The following RECQL5 variants were observed in gnomAD, a reference collection of about 807,000 sequenced individuals.
RECQL5 encodes the protein ATP-dependent DNA helicase Q5.
A neutral mutation model predicts 103.4 loss-of-function variants in RECQL5; 88 were observed. The observed-to-expected ratio is 0.85, with a 90% confidence interval of 0.72 to 1.02. The LOEUF is 1.02. RECQL5 is among the 50% of genes least tolerant of loss of function. The pLI is 0.00. For missense variants in RECQL5, 1,232 were observed against 1,284.3 expected (o/e 0.96, Z 0.62); for synonymous variants, 552 against 507.9 (o/e 1.09, Z -1.17).
At position 75,628,317 on chromosome 17, in the gene RECQL5, G is replaced by A. The variant is rs751382663; in HGVS notation, c.2706C>T (p.Pro902=). 2.5e-5 allele frequency: 41 copies of A among 1,614,068 alleles called. No individual in the cohort carries two copies. The highest frequency in any genetic ancestry group is 3.5e-5 in the Non-Finnish European group (41 of 1,180,044). Reference sequence around the variant, plus strand: ...AGACGCCAGGAGCGGAGAGCTGGAAGGGGTCTTGAGCCGTGGGATTCAAGG... The same window carrying A: ...AGACGCCAGGAGCGGAGAGCTGGAAAGGGTCTTGAGCCGTGGGATTCAAGG... ...QGTLNPTAQD[P]FQLSAPGVSL... The change falls in exon 18 of 20, where the codon CCC becomes CCT. Residue 902 remains proline (P), a synonymous_variant. Transcript: ENST00000317905.
At chr17:75,662,332 C>G in intron 4 of RECQL5, 147 bp downstream of exon 4, 1 of 918,076 alleles carries the variant, frequency 1.1e-6, no homozygotes, top group South Asian at 1.6e-5. Flanking sequence ...TGCCAGGAAA[C>G]CAAAGAGACA....
chr17:75,630,856 G>A lies in RECQL5; in HGVS notation c.1586-19C>T. On this transcript the variant is annotated intron_variant, in intron 11 of 19. Transcript: ENST00000317905. ...TTCTCATCTGTGGGGGGGGGGGGTG[G>A]TCCTTGGTCCTTTCGCTCCACCTTC... is the stretch of plus-strand genomic sequence containing the variant. 6.9e-7 allele frequency: 1 copy of A among 1,453,956 alleles called. No individual in the cohort carries two copies. Among genetic ancestry groups the A allele is most frequent in the Non-Finnish European group, 9.3e-7 (1 of 1,073,988 alleles). The allele number at this position is 1,453,956 out of a possible 1,614,324, so 90.1% of individuals were successfully genotyped here. A position where few individuals can be genotyped will look rare whatever the true frequency, so the allele number is the denominator to read the frequency against.
In RECQL5 at chr17:75,640,428, C is replaced by A. The variant is rs2059414396; in HGVS notation, c.1230-8760G>T. ...GGCTGGCAGAGGTGGCGGGTGTCTG[C>A]CGGATCAAGGAGGAAAACCAGTTGT... On this transcript the variant is annotated intron_variant, in intron 8 of 19. Transcript: ENST00000317905. The surrounding 1 kb of genome is among the most constrained non-coding windows in gnomAD (Gnocchi z 4.6). 1 of 1,438,022 alleles carries A rather than the reference C, an allele frequency of 7.0e-7. No homozygotes were observed. The highest frequency in any genetic ancestry group is 1.5e-5 in the South Asian group (1 of 67,144). The allele number at this position is 1,438,022 out of a possible 1,614,324, so 89.1% of individuals were successfully genotyped here.
At position 75,658,359 on chromosome 17, in the gene RECQL5, T is replaced by C. The variant is rs1443817723; in HGVS notation, c.1088A>G (p.Tyr363Cys). Residue 363 changes from tyrosine to cysteine, a missense_variant, in exon 7 of 20, where the codon TAC becomes TGC. Transcript: ENST00000317905. ...GACTTGGTCCCGGTCATTCCTGGAG[T>C]AATAGAGACGGCACCAGGAAGGCTT... Reference protein sequence around the residue: ...DGKPSWCRLYYSRNDRDQVSF... With the variant: ...DGKPSWCRLYCSRNDRDQVSF... 1 of 1,613,948 alleles carries C rather than the reference T, an allele frequency of 6.2e-7. No homozygotes were observed.
In RECQL5 at chr17:75,662,867, A is replaced by G. The variant is rs749418602; in HGVS notation, c.383T>C (p.Ile128Thr). 14 of 1,614,004 alleles carry G rather than the reference A, an allele frequency of 8.7e-6. No individual in the cohort carries two copies. The highest frequency in any genetic ancestry group is 5.3e-5 in the African/African-American group (4 of 74,930). Residue 128 changes from isoleucine (I) to threonine (T), a missense_variant, in exon 4 of 20, where the codon ATC (isoleucine) becomes ACC (threonine). Coordinates refer to ENST00000317905, the MANE Select transcript of RECQL5 (RefSeq NM_004259.7). Reference sequence around the variant, plus strand: ...GGATGAAGCTGCCATCTCTGGGGTGATGTACAGAATCTTGGTCTGGGGCTT... The same window carrying G: ...GGATGAAGCTGCCATCTCTGGGGTGGTGTACAGAATCTTGGTCTGGGGCTT... ...REKPQTKILY[I>T]TPEMAASSSF...
In RECQL5 at chr17:75,651,334, TGAG is replaced by T. The variant is rs1300765451; in HGVS notation, c.1150-72_1150-70del. On this transcript the variant is annotated intron_variant, in intron 7 of 19. Coordinates refer to ENST00000317905, the MANE Select transcript of RECQL5 (RefSeq NM_004259.7). ...ACTACCTTAGAGCCACAAAAAGTAA[TGAG>T]GAGGCCGAGTGCGGTGGCTCACGGC... 1.3e-5 allele frequency: 20 copies of T among 1,584,820 alleles called. No individual in the cohort carries two copies. In the Admixed American group the frequency reaches 3.2e-4, roughly 25 times the overall value.
intron 8 of RECQL5, chr17:75,634,005 C>T (rs1318470842): frequency 7.1e-6 from 7 of 985,390 alleles, no homozygotes; most frequent in African/African-American, 3.5e-5. Flanking sequence ...CTCCCCCTCG[C>T]GACGGTAATT....
chr17:75,641,078 T>G (rs2059427997), intron 8 of RECQL5: 1 of 1,159,294 alleles, frequency 8.6e-7, no homozygotes, highest in Admixed American at 2.8e-5. Context: ...AGGGCTGGTA[T>G]AGGTGCAAAC....
At position 75,626,885 on chromosome 17, in the gene RECQL5, C is replaced by A. The variant is rs896487039; in HGVS notation, c.*537G>T. On this transcript the variant is annotated 3_prime_UTR_variant, in exon 20 of 20. Coordinates refer to ENST00000317905, the MANE Select transcript of RECQL5 (RefSeq NM_004259.7). Reference sequence around the variant, plus strand: ...CACGCCTGCATGCCCCACAACAACACAACTTTATTCCTCTCCCAAACATCT... The same window carrying A: ...CACGCCTGCATGCCCCACAACAACAAAACTTTATTCCTCTCCCAAACATCT... 4.1e-5 allele frequency: 15 copies of A among 368,750 alleles called. No individual in the cohort carries two copies. The Admixed American group carries it at 4.1e-4, about 10-fold the overall frequency. 22.8% of individuals were successfully genotyped at this position (368,750 alleles called of 1,614,324 possible).
intron 3 of RECQL5, 68 bp from the exon 4 acceptor site, chr17:75,663,065 A>T: frequency 6.8e-7 from 1 of 1,462,434 alleles, no homozygotes; most frequent in Non-Finnish European, 9.2e-7. Flanking sequence ...AAGTCCCTGG[A>T]GGATTTCCCA....
intron 7 of RECQL5, among the ~76,000 whole-genome samples, chr17:75,655,600 G>A (rs758818436): frequency 7.9e-5 from 12 of 152,064 alleles, no homozygotes; most frequent in African/African-American, 2.9e-4. Flanking sequence ...TCCTGACCTC[G>A]TGATCTGCCC....
intron 8 of RECQL5, chr17:75,633,470 C>T (rs1455467035): frequency 1.6e-6 from 2 of 1,289,036 alleles, no homozygotes; most frequent in African/African-American, 3.0e-5. Context: ...TCACAAGGAA[C>T]ATGAGGCGCC....
intron 8 of RECQL5, chr17:75,637,536 C>G (rs916711334): frequency 4.6e-5 from 7 of 152,358 alleles, no homozygotes; most frequent in Admixed American, 4.6e-4. Context: ...CCTGCTCCAC[C>G]TGGCCAGAGA....
intron 8 of RECQL5, chr17:75,637,002 C>A (rs1037700712): frequency 5.9e-5 from 9 of 152,274 alleles, no homozygotes; most frequent in Admixed American, 5.9e-4. Context: ...TGGGAACTGA[C>A]ACTTTTCCCC....
chr17:75,628,385 C>T lies in RECQL5; in HGVS notation c.2638G>A (p.Val880Ile), dbSNP rs367937094. ...RPRPSAKPSVVAEVKGSVSAS... is the reference protein window; with the variant it reads ...RPRPSAKPSVIAEVKGSVSAS... ...GAGACGCTGCCCTTGACCTCAGCTACGACGGAGGGCTTGGCTGAGGGGCGT... is the reference window on the plus strand; with the variant it reads ...GAGACGCTGCCCTTGACCTCAGCTATGACGGAGGGCTTGGCTGAGGGGCGT... Residue 880 changes from valine (V) to isoleucine (I), a missense_variant, in exon 18 of 20, where the codon GTA becomes ATA. Val to Ile is a conservative substitution (Grantham distance 29, BLOSUM62 3). Transcript: ENST00000317905. The T allele has an allele frequency of 1.9e-4, 311 of 1,613,998 alleles. 4 individuals carry two copies. In the South Asian group the frequency reaches 2.9e-3, roughly 15 times the overall value.
Position 75,633,982 on chromosome 17 carries a change from G to A in RECQL5, c.1230-2314C>T, listed in dbSNP as rs961797617. On this transcript the variant is annotated intron_variant, in intron 8 of 19. Coordinates refer to ENST00000317905, the MANE Select transcript of RECQL5 (RefSeq NM_004259.7). ...AAGTTGGAGGACAAGTTCCCAAGCA[G>A]GGCTTCCTCGGGCTCCCCCTCGCGA... 38 of 985,408 alleles carry A rather than the reference G, an allele frequency of 3.9e-5. No individual in the cohort carries two copies. In the African/African-American group the frequency reaches 6.1e-4, roughly 16 times the overall value. 61.0% of individuals were successfully genotyped at this position (985,408 alleles called of 1,614,324 possible). A position where few individuals can be genotyped will look rare whatever the true frequency, so the allele number is the denominator to read the frequency against.
intron 13 of RECQL5, 23 bp from the exon 14 acceptor site, chr17:75,630,300 A>G (rs760230504): frequency 9.8e-6 from 15 of 1,534,822 alleles, no homozygotes; most frequent in Non-Finnish European, 1.2e-5. Flanking sequence ...GGTAACAGGC[A>G]CAAGGTATCA....
chr17:75,654,356 A>G (rs1038814139), intron 7 of RECQL5, among the ~76,000 whole-genome samples: 1 of 152,242 alleles, frequency 6.6e-6, no homozygotes, highest in East Asian at 1.9e-4. Context: ...TCTGCCCCCT[A>G]GTGCAATCTG....
At position 75,667,114 on chromosome 17, in the gene RECQL5, T is replaced by A; in HGVS notation, c.-85A>T. 1 of 504,942 alleles carries A rather than the reference T, an allele frequency of 2.0e-6. No individual in the cohort carries two copies. 31.3% of individuals were successfully genotyped at this position (504,942 alleles called of 1,614,324 possible). The stretch of plus-strand genomic sequence containing the variant: ...TTCCGGAACTGTTCGAAGACCCCTA[T>A]ACACAACCCCAACTCAGAGAAGCCA... On this transcript the variant is annotated 5_prime_UTR_variant, in exon 1 of 20. Transcript: ENST00000317905.
Sources: gnomAD v4.1 joint callset for allele counts (sites outside exome capture counted in the v4.1 genomes callset) on GRCh38, gnomAD v4.1.1 for gene constraint, Gnocchi (gnomAD v3.1) non-coding constraint, MANE v1.5 for transcripts, NCBI Gene and HGNC (gene_info 2026-07-23, HGNC 2026-07-21) for gene names.